AUTS2: variants seen among roughly 807,000 people sequenced by gnomAD.
AUTS2 encodes the protein autism susceptibility gene 2 protein.
A neutral mutation model predicts 112.4 loss-of-function variants in AUTS2; 17 were observed. The ratio of observed to expected loss-of-function variants is 0.15; its 90% CI spans 0.10 to 0.23. The LOEUF (loss-of-function observed/expected upper bound fraction) is 0.23, where lower values mean the gene tolerates loss of function less well. AUTS2 is among the 10% of genes least tolerant of loss of function. The pLI, the probability that AUTS2 is intolerant of heterozygous loss-of-function variation, is 1.00. For missense variants in AUTS2, 1,510 were observed against 1,701.6 expected (o/e 0.89, Z 1.98); for synonymous variants, 751 against 702.7 (o/e 1.07, Z -1.09).
intron 5 of AUTS2, among the ~76,000 whole-genome samples, chr7:70,689,922 A>T (rs1808673462): frequency 1.3e-5 from 2 of 152,216 alleles, no homozygotes. Flanking sequence ...ACCCAGTAGA[A>T]GGCAAGGCTA....
chr7:69,702,643 C>T (rs563075163), intron 1 of AUTS2, among the ~76,000 whole-genome samples: 1 of 152,106 alleles, frequency 6.6e-6, no homozygotes, highest in Non-Finnish European at 1.5e-5. Context: ...CTAGGTAGAG[C>T]TAGTGTGGAT....
chr7:70,400,796 A>C (rs1012915374), intron 4 of AUTS2, among the ~76,000 whole-genome samples: 2 of 152,186 alleles, frequency 1.3e-5, no homozygotes, highest in African/African-American at 4.8e-5. Context: ...AAAAATACAT[A>C]TACCTTGGGC....
At chr7:70,360,878 C>A (rs536446834) in intron 4 of AUTS2, among the ~76,000 whole-genome samples, 2 of 152,166 alleles carry the variant, frequency 1.3e-5, no homozygotes, top group African/African-American at 2.4e-5. Flanking sequence ...TTAGGACATG[C>A]CGTGAATTTG....
intron 1 of AUTS2, among the ~76,000 whole-genome samples, chr7:69,854,033 T>C (rs1009659832): frequency 6.6e-6 from 1 of 152,168 alleles, no homozygotes; most frequent in African/African-American, 2.4e-5. Context: ...GTGTACTCTT[T>C]CTTTCTCTTT....
intron 1 of AUTS2, among the ~76,000 whole-genome samples, chr7:69,764,395 T>C (rs775101639): frequency 3.3e-5 from 5 of 151,988 alleles, no homozygotes; most frequent in Admixed American, 6.5e-5. Context: ...TTTTTCTTTT[T>C]CCTTTAAGTT....
In AUTS2 at chr7:70,612,465, A is replaced by G. The variant is rs768743433; in HGVS notation, c.691-86104A>G. Among the ~76,000 whole-genome samples, 155 of 152,032 alleles carry G rather than the reference A, an allele frequency of 1.0e-3. 1 individual carries two copies. The highest frequency in any genetic ancestry group is 3.0e-3 in the Admixed American group (46 of 15,236). On this transcript the variant is annotated intron_variant, in intron 5 of 18. Coordinates refer to ENST00000342771, the MANE Select transcript of AUTS2 (RefSeq NM_015570.4). ...TAGACATGCAGATCAGCTCTCCTAA[A>G]TAGTCTTAGAGTCAGAGTATTTTAC...
At chr7:70,337,427 T>G (rs1332902365) in intron 4 of AUTS2, among the ~76,000 whole-genome samples, 1 of 152,222 alleles carries the variant, frequency 6.6e-6, no homozygotes, top group Non-Finnish European at 1.5e-5. Context: ...GACAAAATGT[T>G]ACAAGTGATA....
chr7:69,940,511 G>A (rs1796585938), intron 2 of AUTS2, among the ~76,000 whole-genome samples: 1 of 152,154 alleles, frequency 6.6e-6, no homozygotes, highest in African/African-American at 2.4e-5. Context: ...AAGTGAGAGA[G>A]TGTGTGTCAT....
rs778220558 is a variant in AUTS2 at position 70,787,481 on chromosome 7, C to G, written c.2531+50C>G. 26 of 1,367,416 alleles carry G rather than the reference C, an allele frequency of 1.9e-5. 1 individual carries two copies. The Middle Eastern group carries it at 5.6e-4, about 29-fold the overall frequency. 84.7% of individuals were successfully genotyped at this position (1,367,416 alleles called of 1,614,324 possible). ...TCCCCACGGGGGAGCCTGCTCTATG[C>G]CAAGTACCAGTGGAACTGGCCGCCC... is the stretch of plus-strand genomic sequence containing the variant. On this transcript the variant is annotated intron_variant, in intron 18 of 18. Transcript: ENST00000342771.
At chr7:70,177,550 C>T (rs1809055819) in intron 4 of AUTS2, among the ~76,000 whole-genome samples, 1 of 152,144 alleles carries the variant, frequency 6.6e-6, no homozygotes, top group African/African-American at 2.4e-5. Context: ...AATTATTATC[C>T]ATATTTTACA....
intron 4 of AUTS2, among the ~76,000 whole-genome samples, chr7:70,266,527 A>T (rs571865127): frequency 1.3e-5 from 2 of 152,302 alleles, no homozygotes; most frequent in African/African-American, 4.8e-5. Flanking sequence ...TATGTTGCAT[A>T]AAAGAACATT....
intron 2 of AUTS2, among the ~76,000 whole-genome samples, chr7:69,908,307 G>A (rs1223663625): frequency 2.0e-5 from 3 of 152,088 alleles, no homozygotes; most frequent in Non-Finnish European, 4.4e-5. Context: ...GTTGCTGTTG[G>A]GTCCTAATGA....
intron 6 of AUTS2, among the ~76,000 whole-genome samples, chr7:70,705,194 A>G (rs1203703820): frequency 6.6e-6 from 1 of 152,192 alleles, no homozygotes; most frequent in Non-Finnish European, 1.5e-5. Context: ...CATAAGTCAA[A>G]TACACTCTCG....
At chr7:70,313,417 C>G (rs1180643666) in intron 4 of AUTS2, among the ~76,000 whole-genome samples, 1 of 152,148 alleles carries the variant, frequency 6.6e-6, no homozygotes, top group East Asian at 1.9e-4. Flanking sequence ...CTAAAAGAAA[C>G]AAAAAGATTC....
chr7:69,632,209 A>G (rs1162218024), intron 1 of AUTS2, among the ~76,000 whole-genome samples: 1 of 152,174 alleles, frequency 6.6e-6, no homozygotes, highest in East Asian at 1.9e-4. Flanking sequence ...TTTTGCATAT[A>G]CCACCTTACA....
At chr7:70,064,056 A>G (rs192980537) in intron 2 of AUTS2, among the ~76,000 whole-genome samples, 62 of 152,288 alleles carry the variant, frequency 4.1e-4, no homozygotes, top group Admixed American at 8.5e-4. Context: ...ACTTGTCCCA[A>G]ATGGATGTGG....
chr7:69,956,044 C>T (rs905601584), intron 2 of AUTS2, among the ~76,000 whole-genome samples: 3 of 152,184 alleles, frequency 2.0e-5, no homozygotes, highest in African/African-American at 7.2e-5. Flanking sequence ...TGTGTCTTCC[C>T]TAGTCGACAC....
chr7:70,130,853 A>G (rs1361043342), intron 3 of AUTS2, among the ~76,000 whole-genome samples: 1 of 152,158 alleles, frequency 6.6e-6, no homozygotes, highest in Non-Finnish European at 1.5e-5. Flanking sequence ...CAGCCTCTTA[A>G]TAGTTCTCAT....
At chr7:69,616,083 T>C (rs770791675) in intron 1 of AUTS2, among the ~76,000 whole-genome samples, 9 of 152,254 alleles carry the variant, frequency 5.9e-5, no homozygotes, top group Non-Finnish European at 1.2e-4. Flanking sequence ...GTCCTTTAGC[T>C]GTGTATAAGC....
Sources: allele counts gnomAD v4.1 joint callset (sites outside exome capture counted in the v4.1 genomes callset), GRCh38; gene constraint gnomAD v4.1.1; transcripts MANE v1.5; gene names NCBI Gene and HGNC (gene_info 2026-07-23, HGNC 2026-07-21).